The following ARHGEF7 variants were observed in gnomAD, a reference collection of about 807,000 sequenced individuals.
ARHGEF7 encodes PAK-interacting exchange factor beta.
Under a neutral mutation model 109.8 loss-of-function variants are expected in ARHGEF7, and 33 were observed. That is an observed-to-expected ratio of 0.30 (90% confidence interval 0.23 to 0.40). The LOEUF is 0.40. Ranked by LOEUF, ARHGEF7 falls within the 10% of genes least tolerant of loss-of-function variation. ARHGEF7 has a pLI of 1.00. For synonymous variants in ARHGEF7, 458 were observed against 424.6 expected, an observed-to-expected ratio of 1.08 and a Z score of -0.97; for missense variants, 938 against 1,098.5, an observed-to-expected ratio of 0.85 and a Z score of 2.07.
intron 2 of ARHGEF7, among the ~76,000 whole-genome samples, chr13:111,198,949 CA>C (rs1482160259): frequency 5.9e-5 from 9 of 152,162 alleles, no homozygotes; most frequent in Non-Finnish European, 1.3e-4. Context: ...TTTAGCTGGA[CA>C]CGGAGTGCTG....
At chr13:111,139,445 C>A (rs1182635991) in intron 1 of ARHGEF7, among the ~76,000 whole-genome samples, 1 of 152,260 alleles carries the variant, frequency 6.6e-6, no homozygotes, top group African/African-American at 2.4e-5. Context: ...TCTCTCTCAT[C>A]TCTGAACTGT....
chr13:111,180,784 T>G (rs965914083), intron 2 of ARHGEF7, among the ~76,000 whole-genome samples: 6 of 152,216 alleles, frequency 3.9e-5, no homozygotes, highest in African/African-American at 1.4e-4. Context: ...ACCTGGAAAT[T>G]TAATCTTTAT....
intron 8 of ARHGEF7, among the ~76,000 whole-genome samples, chr13:111,253,827 G>T (rs1050920149): frequency 1.3e-5 from 2 of 152,190 alleles, no homozygotes; most frequent in Non-Finnish European, 2.9e-5. Context: ...CTTTGGCGAT[G>T]TTCAGGGCCA....
In ARHGEF7 at chr13:111,201,876, G is replaced by A. The variant is rs139811307; in HGVS notation, c.253-3413G>A. Among the ~76,000 whole-genome samples, 159 of 152,210 alleles carry A rather than the reference G, an allele frequency of 1.0e-3. 2 individuals are homozygous for A. The East Asian group carries it at 0.021, about 20-fold the overall frequency. ...TTAGACCATGGGAACTCCCCTCCCC[G>A]CCACTTTTAAGAAGGTATTTTTCTA... On this transcript the variant is annotated intron_variant, in intron 2 of 21. Transcript: ENST00000646102.
At chr13:111,180,559 G>A (rs1234958980) in intron 2 of ARHGEF7, among the ~76,000 whole-genome samples, 1 of 152,230 alleles carries the variant, frequency 6.6e-6, no homozygotes, top group Non-Finnish European at 1.5e-5. Flanking sequence ...GCCCCAGAAG[G>A]CTGTGTTGTA....
chr13:111,115,469 G>A lies in ARHGEF7; in HGVS notation c.-58G>A, dbSNP rs2066668434. ...GGCGGCGGCGGGGGCCGCGGGCCGG[G>A]CCGCCGCTCCGAGGTGAAGGCGCGC... On this transcript the variant is annotated 5_prime_UTR_variant, in exon 1 of 22. Transcript: ENST00000646102. 3 of 1,031,366 alleles carry A rather than the reference G, an allele frequency of 2.9e-6. No individual in the cohort carries two copies. The highest frequency in any genetic ancestry group is 3.5e-6 in the Non-Finnish European group (3 of 860,906). The allele number at this position is 1,031,366 out of a possible 1,614,324, so 63.9% of individuals were successfully genotyped here.
At position 111,153,985 on chromosome 13, in the gene ARHGEF7, G is replaced by A; in HGVS notation, c.246G>A (p.Arg82=). The change falls in exon 2 of 22, where the codon CGG becomes CGA. Residue 82 remains arginine, a synonymous_variant. Transcript: ENST00000646102. ...TGCGCGGCTGCGGGGCTTCCCTGCG[G>A]CTGGAGGTGAGCGCGGGCGGCCACG... ...EFLRGCGASL[R]LETFDANDLY... 6.2e-7 allele frequency: 1 copy of A among 1,600,612 alleles called. No individual in the cohort carries two copies. The highest frequency in any genetic ancestry group is 8.5e-7 in the Non-Finnish European group (1 of 1,176,038).
At chr13:111,294,395 A>G (rs1360486457) in intron 19 of ARHGEF7, 2 of 985,436 alleles carry the variant, frequency 2.0e-6, no homozygotes, top group Non-Finnish European at 1.2e-6. Context: ...CAGTTGCTGC[A>G]CTTGGATTTT....
intron 2 of ARHGEF7, among the ~76,000 whole-genome samples, chr13:111,188,867 C>T (rs1408455095): frequency 1.3e-5 from 2 of 152,202 alleles, no homozygotes; most frequent in Non-Finnish European, 2.9e-5. Flanking sequence ...CATTTCCTCT[C>T]CTTCAGGAAT....
chr13:111,164,120 T>C (rs986369443), intron 2 of ARHGEF7, among the ~76,000 whole-genome samples: 1 of 152,180 alleles, frequency 6.6e-6, no homozygotes, highest in Non-Finnish European at 1.5e-5. Flanking sequence ...CCCAGGTTTG[T>C]TGAGAACAAA....
rs143824499 is a variant in ARHGEF7, at chr13:111,240,541, C to T, written c.760-3331C>T. On this transcript the variant is annotated intron_variant, in intron 6 of 21. Coordinates refer to ENST00000646102, the MANE Select transcript of ARHGEF7 (RefSeq NM_001354046.2). ...GGATTTCTTGTCAACACTCCTTCCT[C>T]CTCCTCCTCCTCCTTTCCGTGGAGT... Among the ~76,000 whole-genome samples, 1,418 of 152,316 alleles carry T rather than the reference C, an allele frequency of 9.3e-3. 14 individuals are homozygous for T. Among genetic ancestry groups the T allele is most frequent in the Middle Eastern group, 0.031 (9 of 294 alleles).
chr13:111,115,909 G>A (rs1488815566), intron 1 of ARHGEF7, among the ~76,000 whole-genome samples: 3 of 150,948 alleles, frequency 2.0e-5, no homozygotes, highest in Non-Finnish European at 4.5e-5. Flanking sequence ...GGGGTCGGGG[G>A]GAGGGGCGGC....
Position 111,267,775 on chromosome 13 carries a change from G to A in ARHGEF7, c.1073+105G>A, listed in dbSNP as rs1317820098. ...CTAATAGTCCCTTGGTTATTAAAGG[G>A]TATGAATTTTAATTACCCCTCAAAA... On this transcript the variant is annotated intron_variant, in intron 9 of 21. Coordinates refer to ENST00000646102, the MANE Select transcript of ARHGEF7 (RefSeq NM_001354046.2). 7.2e-6 allele frequency: 10 copies of A among 1,393,412 alleles called. No individual in the cohort carries two copies. The African/African-American group carries it at 1.5e-4, about 20-fold the overall frequency. 86.3% of individuals were successfully genotyped at this position (1,393,412 alleles called of 1,614,324 possible).
chr13:111,231,529 CAGG>C (rs936191307), intron 5 of ARHGEF7, among the ~76,000 whole-genome samples: 8 of 149,316 alleles, frequency 5.4e-5, no homozygotes, highest in East Asian at 1.9e-4. Flanking sequence ...AACGGCTCCA[CAGG>C]AGGAGGATCC....
At chr13:111,118,423 A>G (rs1031380893) in intron 1 of ARHGEF7, among the ~76,000 whole-genome samples, 2 of 152,224 alleles carry the variant, frequency 1.3e-5, no homozygotes, top group African/African-American at 4.8e-5. Flanking sequence ...GAAAAGAGAC[A>G]CTTTTCATTA....
At chr13:111,193,383 G>C (rs1425947416) in intron 2 of ARHGEF7, among the ~76,000 whole-genome samples, 1 of 152,204 alleles carries the variant, frequency 6.6e-6, no homozygotes, top group East Asian at 1.9e-4. Flanking sequence ...GTTTCCTTCT[G>C]CCTTTTCTCC....
At chr13:111,173,845 T>G (rs747953459) in intron 2 of ARHGEF7, among the ~76,000 whole-genome samples, 16 of 152,286 alleles carry the variant, frequency 1.1e-4, no homozygotes, top group Non-Finnish European at 2.1e-4. Context: ...TGCGGGTGTC[T>G]GTAGAGGGAT....
intron 2 of ARHGEF7, among the ~76,000 whole-genome samples, chr13:111,157,470 A>C (rs1327150612): frequency 6.6e-6 from 1 of 152,032 alleles, no homozygotes; most frequent in Non-Finnish European, 1.5e-5. Flanking sequence ...ACCTTAGGTC[A>C]GGAGTTTGAG....
At position 111,304,068 on chromosome 13, in the gene ARHGEF7, GTCATCAGGCCAGCC is replaced by G. The variant is rs975928187; in HGVS notation, c.*961_*974del. On this transcript the variant is annotated 3_prime_UTR_variant, in exon 22 of 22. Transcript: ENST00000646102. ...GGCTGATACTGATGGGTGGAGTTTT[GTCATCAGGCCAGCC>G]TCATCCCGAGGTCTCCTCCACCATT... 6.6e-6 allele frequency: 1 copy of G among 152,224 alleles called. No homozygotes were observed. The highest frequency in any genetic ancestry group is 1.9e-4 in the East Asian group (1 of 5,202). The allele number at this position is 152,224 out of a possible 1,614,324, so 9.4% of individuals were successfully genotyped here. A position where few individuals can be genotyped will look rare whatever the true frequency, so the allele number is the denominator to read the frequency against.
Sources: gnomAD v4.1 joint callset for allele counts (sites outside exome capture counted in the v4.1 genomes callset) on GRCh38, gnomAD v4.1.1 for gene constraint, MANE v1.5 for transcripts, NCBI Gene and HGNC (gene_info 2026-07-23, HGNC 2026-07-21) for gene names.